The following ARHGAP29 variants were observed in gnomAD, a reference collection of about 807,000 sequenced individuals.
The protein encoded by ARHGAP29 is rho GTPase-activating protein 29.
In ARHGAP29, 43 loss-of-function variants were observed where a neutral mutation model predicts 122.6. The ratio of observed to expected loss-of-function variants is 0.35; its 90% CI spans 0.27 to 0.45. The LOEUF (loss-of-function observed/expected upper bound fraction) is 0.45, where lower values mean the gene tolerates loss of function less well. Among genes scored for constraint, ARHGAP29 ranks in the 20% least tolerant of loss-of-function variants. The probability of loss-of-function intolerance (pLI) is 1.00; values close to 1 mark genes in which losing one functional copy is unlikely to be tolerated. For missense variants in ARHGAP29, 1,303 were observed against 1,477.2 expected (o/e 0.88, Z 1.93); for synonymous variants, 506 against 497.1 (o/e 1.02, Z -0.24).
chr1:94,312,159 C>T, the ARHGAP29 span, among the ~76,000 whole-genome samples: 2 of 152,112 alleles, frequency 1.3e-5, no homozygotes, highest in Non-Finnish European at 2.9e-5. Flanking sequence ...ACCAACTCTT[C>T]CTTCATTTTC....
At chr1:94,201,619 C>T (rs1266461139) in intron 12 of ARHGAP29, 101 bp downstream of exon 12, 1 of 1,441,728 alleles carries the variant, frequency 6.9e-7, no homozygotes, top group African/African-American at 1.4e-5. Context: ...GTGATCCTCC[C>T]ACCTCAGCCT....
chr1:94,287,981 A>G, the ARHGAP29 span, among the ~76,000 whole-genome samples: 1 of 152,122 alleles, frequency 6.6e-6, no homozygotes, highest in Non-Finnish European at 1.5e-5. Context: ...ATGTGCCTTT[A>G]TAGTAGCAAG....
upstream of ARHGAP29, chr1:94,237,737 G>A (rs1288874494): frequency 6.1e-6 from 6 of 985,262 alleles, no homozygotes; most frequent in Non-Finnish European, 7.2e-6. Context: ...CGCAGAACGC[G>A]ACCGTCAGTT....
chr1:94,253,727 GTAGAGC>G (rs1321295155), intron 1 of ARHGAP29, among the ~76,000 whole-genome samples: 1 of 152,162 alleles, frequency 6.6e-6, no homozygotes, highest in Non-Finnish European at 1.5e-5. Flanking sequence ...TTAGGAAGGA[GTAGAGC>G]CCAATGGAAA....
chr1:94,179,624 G>T, intron 20 of ARHGAP29, 101 bp downstream of exon 20: 1 of 610,612 alleles, frequency 1.6e-6, no homozygotes, highest in Non-Finnish European at 2.6e-6. Context: ...AAAAAGAATG[G>T]CTAAGAAAGT....
At chr1:94,204,140 C>A (rs919204932) in intron 7 of ARHGAP29, 146 bp from the exon 8 acceptor site, 17 of 459,316 alleles carry the variant, frequency 3.7e-5, no homozygotes, top group Non-Finnish European at 5.1e-5. Flanking sequence ...ATACTTCTTT[C>A]TTCCTTTTTT....
intron 2 of ARHGAP29, among the ~76,000 whole-genome samples, chr1:94,229,884 A>C (rs1008053069): frequency 6.6e-6 from 1 of 151,680 alleles, no homozygotes. Context: ...CTGTGACACA[A>C]GGATAATTAT....
At chr1:94,188,489 T>A (rs1445207155) in intron 15 of ARHGAP29, among the ~76,000 whole-genome samples, 4 of 152,058 alleles carry the variant, frequency 2.6e-5, no homozygotes, top group Non-Finnish European at 5.9e-5. Flanking sequence ...ATTCAATTTG[T>A]ATAACATTCA....
upstream of ARHGAP29, among the ~76,000 whole-genome samples, chr1:94,275,873 G>T (rs1655167970): frequency 6.6e-6 from 1 of 151,996 alleles, no homozygotes; most frequent in South Asian, 2.1e-4. Context: ...TTACTCCAAA[G>T]ACCTAGAATT....
chr1:94,289,183 TCTC>T, the ARHGAP29 span, among the ~76,000 whole-genome samples: 1 of 152,290 alleles, frequency 6.6e-6, no homozygotes, highest in East Asian at 1.9e-4. Context: ...GGTTTGTAGT[TCTC>T]CTTGAACAGA....
chr1:94,207,700 G>A (rs574503079), intron 5 of ARHGAP29, among the ~76,000 whole-genome samples: 2 of 152,086 alleles, frequency 1.3e-5, no homozygotes, highest in South Asian at 2.1e-4. Flanking sequence ...CTTCAGTAAC[G>A]GTCATAATTT....
chr1:94,201,933 G>T lies in ARHGAP29; in HGVS notation c.1144-76C>A, dbSNP rs1048707370. 31 of 1,320,912 alleles carry T rather than the reference G, an allele frequency of 2.3e-5. No homozygotes were observed. The African/African-American group carries it at 4.0e-4, about 17-fold the overall frequency. 81.8% of individuals were successfully genotyped at this position (1,320,912 alleles called of 1,614,324 possible). On this transcript the variant is annotated intron_variant, in intron 11 of 22. Coordinates refer to ENST00000260526, the MANE Select transcript of ARHGAP29 (RefSeq NM_004815.4). ...CAAATATTTACTATAGTAAAGCTAAGTTGAAATAACTGAAAATTCTGAAAT... is the reference window on the plus strand; with the variant it reads ...CAAATATTTACTATAGTAAAGCTAATTTGAAATAACTGAAAATTCTGAAAT...
chr1:94,173,079 A>C lies in ARHGAP29; in HGVS notation c.*790T>G, dbSNP rs908890166. On this transcript the variant is annotated 3_prime_UTR_variant, in exon 23 of 23. Transcript: ENST00000260526. Reference sequence around the variant, plus strand: ...TTTGGACCATTTATAAAATACTAAAAAGTTCAGAACTGCTGAAAAACAAAA... The same window carrying C: ...TTTGGACCATTTATAAAATACTAAACAGTTCAGAACTGCTGAAAAACAAAA... 3.3e-5 allele frequency: 5 copies of C among 152,602 alleles called. No homozygotes were observed. The allele number at this position is 152,602 out of a possible 1,614,324, so 9.5% of individuals were successfully genotyped here. A position where few individuals can be genotyped will look rare whatever the true frequency, so the allele number is the denominator to read the frequency against.
At position 94,185,440 on chromosome 1, in the gene ARHGAP29, T is replaced by C; in HGVS notation, c.1822A>G (p.Lys608Glu). The change falls in exon 17 of 23, where the codon AAG (lysine) becomes GAG (glutamate). Residue 608 changes from lysine to glutamate, a missense_variant. Coordinates refer to ENST00000260526, the MANE Select transcript of ARHGAP29 (RefSeq NM_004815.4). ...CGAAACTTGTGTGTGAGAGCTGCCT[T>C]TGACATCAATGTTTTCTTAAATGTT... is the stretch of plus-strand genomic sequence containing the variant. ...LGTFKKTLMS[K>E]AALTHKFRKL... 1 of 1,612,220 alleles carries C rather than the reference T, an allele frequency of 6.2e-7. No homozygotes were observed. The highest frequency in any genetic ancestry group is 8.5e-7 in the Non-Finnish European group (1 of 1,179,338).
intron 2 of ARHGAP29, among the ~76,000 whole-genome samples, chr1:94,223,190 C>T (rs971305542): frequency 9.2e-5 from 14 of 152,258 alleles, no homozygotes; most frequent in African/African-American, 2.4e-4. Flanking sequence ...GTGATCCATC[C>T]GCCTCGGCCT....
rs1289242907 is a variant in ARHGAP29, at chr1:94,220,402, G to C, written c.206-10C>G. The C allele has an allele frequency of 1.3e-6, 2 of 1,536,126 alleles. No individual in the cohort carries two copies. The highest frequency in any genetic ancestry group is 1.8e-6 in the Non-Finnish European group (2 of 1,139,820). The stretch of plus-strand genomic sequence containing the variant: ...ACTTCTTTAAAACAGTCTTTAAAAA[G>C]AAAAAAAAATAATTTATTTCCAGAG... On this transcript the variant is annotated splice_polypyrimidine_tract_variant and intron_variant, in intron 2 of 22. Coordinates refer to ENST00000260526, the MANE Select transcript of ARHGAP29 (RefSeq NM_004815.4).
At chr1:94,207,729 A>G (rs1651294673) in intron 5 of ARHGAP29, among the ~76,000 whole-genome samples, 1 of 152,234 alleles carries the variant, frequency 6.6e-6, no homozygotes, top group Admixed American at 6.5e-5. Context: ...ATTGTAATAC[A>G]TATAACAAAT....
At chr1:94,232,507 G>T (rs1312015205) in intron 1 of ARHGAP29, among the ~76,000 whole-genome samples, 2 of 152,128 alleles carry the variant, frequency 1.3e-5, no homozygotes, top group Admixed American at 6.5e-5. Flanking sequence ...CAATATTTTT[G>T]ATAATCTCAG....
chr1:94,210,970 T>C (rs766294804), intron 3 of ARHGAP29, among the ~76,000 whole-genome samples: 11 of 150,834 alleles, frequency 7.3e-5, no homozygotes, highest in Non-Finnish European at 1.2e-4. Flanking sequence ...CATTTATAAT[T>C]ATGAAAGAGT....
Sources: gnomAD v4.1 joint callset for allele counts (sites outside exome capture counted in the v4.1 genomes callset) on GRCh38, gnomAD v4.1.1 for gene constraint, MANE v1.5 for transcripts, NCBI Gene and HGNC (gene_info 2026-07-23, HGNC 2026-07-21) for gene names.